The following NELL1 variants were observed in gnomAD, a reference collection of about 807,000 sequenced individuals.
NELL1 encodes the protein protein kinase C-binding protein NELL1.
NELL1 carries 76 observed loss-of-function variants against 107.4 expected under a neutral mutation model. The observed-to-expected ratio is 0.71, with a 90% CI of 0.59 to 0.86. NELL1 has a LOEUF of 0.86. NELL1 is among the 40% of genes least tolerant of loss of function. NELL1 has a pLI of 0.00. For missense variants in NELL1, 1,024 were observed against 1,005.5 expected, an observed-to-expected ratio of 1.02 and a Z score of -0.25; for synonymous variants, 353 against 341.2, an observed-to-expected ratio of 1.03 and a Z score of -0.38.
chr11:21,149,440 GGTA>G (rs1856063805), intron 13 of NELL1, among the ~76,000 whole-genome samples: 2 of 152,206 alleles, frequency 1.3e-5, no homozygotes, highest in African/African-American at 4.8e-5. Context: ...CATTTTACAT[GGTA>G]GCAGGCAAGA....
intron 12 of NELL1, among the ~76,000 whole-genome samples, chr11:21,007,514 C>G (rs74641243): frequency 0.028 from 4,234 of 152,170 alleles, 162 homozygotes; most frequent in African/African-American, 0.087. Flanking sequence ...CTGCTGAAAC[C>G]CTTGCCTGGA....
intron 15 of NELL1, among the ~76,000 whole-genome samples, chr11:21,489,380 C>CAAAAAAAAAAAAAAAAACAAAAAAAAAA (rs1854733118): frequency 2.1e-5 from 1 of 47,800 alleles, no homozygotes; most frequent in Non-Finnish European, 4.0e-5. Flanking sequence ...GAAAGTATTT[C>CAAAAAAAAAAAAAAAAACAAAAAAAAAA]AAAAAAAAAA....
At chr11:20,698,942 C>T (rs189284419) in intron 2 of NELL1, among the ~76,000 whole-genome samples, 9 of 152,246 alleles carry the variant, frequency 5.9e-5, no homozygotes, top group Admixed American at 2.0e-4. Context: ...CCAAACTGGG[C>T]GTGGTGGCTC....
chr11:21,325,503 G>A (rs928157963), intron 14 of NELL1, among the ~76,000 whole-genome samples: 5 of 151,660 alleles, frequency 3.3e-5, no homozygotes, highest in African/African-American at 1.2e-4. Context: ...CCTATTTTGG[G>A]GTACAAAAAT....
At chr11:21,130,110 A>AT (rs948217740) in intron 13 of NELL1, among the ~76,000 whole-genome samples, 1 of 152,054 alleles carries the variant, frequency 6.6e-6, no homozygotes, top group African/African-American at 2.4e-5. Context: ...TTTTAATTTA[A>AT]TTTTTTTTAA....
At chr11:21,407,355 T>C (rs1186077892) in intron 15 of NELL1, among the ~76,000 whole-genome samples, 1 of 151,914 alleles carries the variant, frequency 6.6e-6, no homozygotes, top group Non-Finnish European at 1.5e-5. Context: ...GGTTGAGGCT[T>C]CAGTAAGCCT....
intron 15 of NELL1, among the ~76,000 whole-genome samples, chr11:21,429,921 C>T (rs1412233488): frequency 6.6e-6 from 1 of 152,068 alleles, no homozygotes; most frequent in Non-Finnish European, 1.5e-5. Flanking sequence ...TTTGGTGTCT[C>T]TATGTAAAAT....
chr11:20,860,191 G>C (rs1389326064), intron 4 of NELL1, among the ~76,000 whole-genome samples: 1 of 152,010 alleles, frequency 6.6e-6, no homozygotes, highest in Non-Finnish European at 1.5e-5. Context: ...AAAAGAAAGG[G>C]GCCTCTTGTG....
intron 2 of NELL1, among the ~76,000 whole-genome samples, chr11:20,717,165 C>T (rs946014464): frequency 1.3e-5 from 2 of 152,154 alleles, no homozygotes; most frequent in African/African-American, 4.8e-5. Flanking sequence ...TTAGGAAATC[C>T]TTAATTATCC....
intron 3 of NELL1, among the ~76,000 whole-genome samples, chr11:20,790,009 C>CTTA (rs1008118013): frequency 6.6e-6 from 1 of 152,162 alleles, no homozygotes; most frequent in African/African-American, 2.4e-5. Flanking sequence ...GAGCCTGGGG[C>CTTA]TTATATGGGC....
At chr11:20,829,271 C>T (rs950895333) in intron 3 of NELL1, among the ~76,000 whole-genome samples, 3 of 141,180 alleles carry the variant, frequency 2.1e-5, no homozygotes, top group African/African-American at 8.1e-5. Flanking sequence ...CTGTTGCCCA[C>T]GCTAGAGTGC....
chr11:21,420,365 G>T (rs1310987953), intron 15 of NELL1, among the ~76,000 whole-genome samples: 1 of 152,008 alleles, frequency 6.6e-6, no homozygotes, highest in East Asian at 1.9e-4. Flanking sequence ...TGATATAAAT[G>T]ATAGTAAAGG....
At chr11:21,210,184 C>T (rs1857469906) in intron 13 of NELL1, among the ~76,000 whole-genome samples, 2 of 152,038 alleles carry the variant, frequency 1.3e-5, no homozygotes, top group Non-Finnish European at 2.9e-5. Context: ...ATGAATAATA[C>T]TGCTATGAGT....
intron 1 of NELL1, among the ~76,000 whole-genome samples, chr11:20,673,308 AT>A (rs1853966250): frequency 6.6e-6 from 1 of 152,178 alleles, no homozygotes; most frequent in Non-Finnish European, 1.5e-5. Flanking sequence ...CTTCAAGAAA[AT>A]TGCTTTTGGG....
chr11:20,703,676 T>C (rs1854859809), intron 2 of NELL1, among the ~76,000 whole-genome samples: 2 of 152,188 alleles, frequency 1.3e-5, no homozygotes, highest in Non-Finnish European at 2.9e-5. Context: ...CTGCTTTAAA[T>C]GTGTCCCAGA....
At chr11:21,544,677 A>C (rs1856387511) in intron 16 of NELL1, among the ~76,000 whole-genome samples, 1 of 151,982 alleles carries the variant, frequency 6.6e-6, no homozygotes. Context: ...TATTTAATGG[A>C]CAAAGAGCCT....
intron 3 of NELL1, among the ~76,000 whole-genome samples, chr11:20,837,615 A>T (rs1032977012): frequency 5.3e-5 from 8 of 152,132 alleles, no homozygotes; most frequent in African/African-American, 1.9e-4. Context: ...ATGAGCCTTG[A>T]GCATCTTGTA....
chr11:21,234,940 G>A (rs1050940836), intron 14 of NELL1, among the ~76,000 whole-genome samples: 4 of 152,170 alleles, frequency 2.6e-5, no homozygotes, highest in African/African-American at 7.2e-5. Context: ...GAATAGAAAG[G>A]TAAGTTATTA....
At chr11:21,359,311 A>G (rs542100980) in intron 14 of NELL1, among the ~76,000 whole-genome samples, 4 of 152,296 alleles carry the variant, frequency 2.6e-5, no homozygotes, top group Admixed American at 6.5e-5. Context: ...AACCATCCCT[A>G]CATCCTTGGT....
Sources: gnomAD v4.1 joint callset for allele counts (sites outside exome capture counted in the v4.1 genomes callset) on GRCh38, gnomAD v4.1.1 for gene constraint, MANE v1.5 for transcripts, NCBI Gene and HGNC (gene_info 2026-07-23, HGNC 2026-07-21) for gene names.